Variants in UNC13B observed in about 807,000 individuals in gnomAD.
The protein encoded by UNC13B is unc-13 homolog B, also known as protein unc-13 homolog B.
Under a neutral mutation model 211.0 loss-of-function variants are expected in UNC13B, and 144 were observed. That is an observed-to-expected ratio of 0.68 (90% CI 0.60 to 0.78). The LOEUF is 0.78. UNC13B is among the 30% of genes least tolerant of loss of function. The pLI is 0.00. For missense variants in UNC13B, 1,777 were observed against 2,002.0 expected (o/e 0.89, Z 2.14); for synonymous variants, 709 against 725.8 (o/e 0.98, Z 0.37).
intron 1 of UNC13B, among the ~76,000 whole-genome samples, chr9:35,223,732 A>G (rs963098934): frequency 1.5e-4 from 23 of 152,134 alleles, no homozygotes; most frequent in African/African-American, 5.5e-4. Context: ...AGTCTTAGCC[A>G]TAAAATCTTT....
At chr9:35,168,410 T>C (rs1335357991) in intron 1 of UNC13B, among the ~76,000 whole-genome samples, 1 of 152,122 alleles carries the variant, frequency 6.6e-6, no homozygotes, top group Non-Finnish European at 1.5e-5. Context: ...ACTCCATAGA[T>C]GGTTTTTGTT....
chr9:35,308,463 A>G (rs1445683619), intron 9 of UNC13B, 51 bp downstream of exon 9: 2 of 398,320 alleles, frequency 5.0e-6, no homozygotes, highest in African/African-American at 2.1e-5. Flanking sequence ...TTGACCATTT[A>G]TGATGCAAGT....
intron 1 of UNC13B, among the ~76,000 whole-genome samples, chr9:35,191,883 A>G (rs1396824178): frequency 6.6e-6 from 1 of 152,166 alleles, no homozygotes; most frequent in Non-Finnish European, 1.5e-5. Context: ...ATCTTAACCT[A>G]AGGTACCCTT....
chr9:35,370,443 C>A (rs1412179910), intron 13 of UNC13B, 47 bp downstream of exon 13: 5 of 1,572,402 alleles, frequency 3.2e-6, no homozygotes, highest in Non-Finnish European at 2.6e-6. Flanking sequence ...CTTGGGGTAT[C>A]CCCCATTGGG....
chr9:35,319,577 C>T (rs1830637398), intron 11 of UNC13B, among the ~76,000 whole-genome samples: 2 of 152,120 alleles, frequency 1.3e-5, no homozygotes, highest in Non-Finnish European at 2.9e-5. Flanking sequence ...CCTCCTTCCT[C>T]CCTCTAGTAG....
Position 35,376,228 on chromosome 9 carries a change from C to T in UNC13B, c.9816C>T (p.Leu3272=), listed in dbSNP as rs1368075292. Residue 3272 remains leucine, a synonymous_variant, in exon 15 of 40, where the codon CTC becomes CTT. Transcript: ENST00000635942. The part of the protein sequence containing the change: ...VKCHEKCQDL[L]NADCLQRAAE... ...GCCATGAGAAGTGCCAGGATCTGCT[C>T]AATGCTGACTGCCTGCAGCGTGAGT... The T allele has an allele frequency of 6.2e-7, 1 of 1,613,850 alleles. No individual in the cohort carries two copies. The highest frequency in any genetic ancestry group is 1.3e-5 in the African/African-American group (1 of 75,038).
chr9:35,322,965 G>C (rs1830815032), intron 11 of UNC13B, among the ~76,000 whole-genome samples: 2 of 151,658 alleles, frequency 1.3e-5, no homozygotes, highest in Admixed American at 6.6e-5. Context: ...TTTTGAATAA[G>C]TAATAAATGT....
rs146279162 is a variant in UNC13B at position 35,362,939 on chromosome 9, C to T, written c.9415-4008C>T. On this transcript the variant is annotated intron_variant, in intron 11 of 39. Coordinates refer to ENST00000635942, the MANE Select transcript of UNC13B (RefSeq NM_001371189.2). ...AGGTGCACTAGGATGGCCTTATTAA[C>T]TCTTGCTTGGGTGGGCATCAGAGAA... Among the ~76,000 whole-genome samples the T allele has an allele frequency of 6.9e-3, 1,049 of 152,170 alleles. 14 individuals carry two copies. The highest frequency in any genetic ancestry group is 0.024 in the African/African-American group (1,006 of 41,526).
chr9:35,385,291 C>A, intron 22 of UNC13B: 1 of 985,442 alleles, frequency 1.0e-6, no homozygotes. Flanking sequence ...ACAAAAAGTA[C>A]AGGTCCTGGA....
chr9:35,312,562 T>C (rs1040543753), intron 10 of UNC13B, among the ~76,000 whole-genome samples: 1 of 152,208 alleles, frequency 6.6e-6, no homozygotes, highest in African/African-American at 2.4e-5. Flanking sequence ...GGTTGTGTCC[T>C]CTCAGGTCCT....
intron 29 of UNC13B, 46 bp downstream of exon 29, chr9:35,397,356 T>A: frequency 1.9e-6 from 3 of 1,604,390 alleles, no homozygotes; most frequent in Non-Finnish European, 2.6e-6. Flanking sequence ...ACCACCACAC[T>A]CACAGTCTCA....
intron 37 of UNC13B, among the ~76,000 whole-genome samples, chr9:35,400,798 G>C (rs540105298): frequency 1.3e-5 from 2 of 152,220 alleles, no homozygotes; most frequent in African/African-American, 2.4e-5. Flanking sequence ...AAATGTGAAG[G>C]CTCATAGTGT....
chr9:35,296,190 C>G (rs185020546), intron 8 of UNC13B, among the ~76,000 whole-genome samples: 1 of 152,186 alleles, frequency 6.6e-6, no homozygotes, highest in Non-Finnish European at 1.5e-5. Context: ...CTGATCAGGG[C>G]GATCCCACTT....
At chr9:35,366,642 C>T (rs1277318805) in intron 11 of UNC13B, among the ~76,000 whole-genome samples, 1 of 152,192 alleles carries the variant, frequency 6.6e-6, no homozygotes, top group Non-Finnish European at 1.5e-5. Flanking sequence ...TGGTTTACTG[C>T]TGTCTACACT....
chr9:35,260,048 A>AAAC lies in UNC13B; in HGVS notation c.526+1000_526+1001insCAA, dbSNP rs1262356421. ...GATACCTCATTTCTACAAAAAAAAA[A>AAAC]AAAAAAAAAAAAAAAACCAAGTGTG... On this transcript the variant is annotated intron_variant, in intron 7 of 39. Coordinates refer to ENST00000635942, the MANE Select transcript of UNC13B (RefSeq NM_001371189.2). Among the ~76,000 whole-genome samples, 21 of 148,086 alleles carry AAAC rather than the reference A, an allele frequency of 1.4e-4. 1 individual carries two copies. Among genetic ancestry groups the AAAC allele is most frequent in the Non-Finnish European group, 2.2e-4 (15 of 66,748 alleles).
chr9:35,367,855 A>G (rs887443712), intron 12 of UNC13B, among the ~76,000 whole-genome samples: 1 of 152,188 alleles, frequency 6.6e-6, no homozygotes, highest in East Asian at 1.9e-4. Flanking sequence ...AGAGAGTTCA[A>G]GTACCTTCTC....
chr9:35,275,598 A>C (rs1256602445), intron 7 of UNC13B, among the ~76,000 whole-genome samples: 1 of 152,098 alleles, frequency 6.6e-6, no homozygotes, highest in Non-Finnish European at 1.5e-5. Flanking sequence ...TTATTTACTC[A>C]TTCATTTATT....
intron 1 of UNC13B, among the ~76,000 whole-genome samples, chr9:35,175,752 C>A (rs562104028): frequency 6.6e-6 from 1 of 151,882 alleles, no homozygotes; most frequent in South Asian, 2.1e-4. Flanking sequence ...CGTGGTGGCT[C>A]ACGCCTGTAA....
chr9:35,283,013 A>AT (rs915601908), intron 7 of UNC13B, among the ~76,000 whole-genome samples: 3 of 152,070 alleles, frequency 2.0e-5, no homozygotes, highest in Non-Finnish European at 4.4e-5. Context: ...ATAATTTAAA[A>AT]TTTTTTCCCC....
Sources: allele counts gnomAD v4.1 joint callset (sites outside exome capture counted in the v4.1 genomes callset), GRCh38; gene constraint gnomAD v4.1.1; transcripts MANE v1.5; gene names NCBI Gene and HGNC (gene_info 2026-07-23, HGNC 2026-07-21).